Variants in RELN observed in about 807,000 individuals in gnomAD.
RELN encodes reelin.
RELN carries 108 observed loss-of-function variants against 427.6 expected under a neutral mutation model. That is an observed-to-expected ratio of 0.25 (90% confidence interval 0.22 to 0.30). RELN has a LOEUF of 0.30. Ranked by LOEUF, RELN falls within the 10% of genes least tolerant of loss-of-function variation. The pLI, the probability that RELN is intolerant of heterozygous loss-of-function variation, is 1.00. For synonymous variants in RELN, 1,524 were observed against 1,513.4 expected (o/e 1.01, Z -0.16); for missense variants, 3,715 against 4,302.8 (o/e 0.86, Z 3.82).
In RELN at chr7:103,776,571, A is replaced by C. The variant is rs1338525655; in HGVS notation, c.530T>G (p.Leu177Trp). Residue 177 changes from leucine (L) to tryptophan (W), a missense_variant, in exon 4 of 65, where the codon TTG (leucine) becomes TGG (tryptophan). Leu to Trp is a moderately conservative substitution (Grantham distance 61, BLOSUM62 -2). This residue lies in a region of RELN where 2,208 missense variants were observed against 2,361.7 expected (regional missense o/e 0.93). Coordinates refer to ENST00000428762, the MANE Select transcript of RELN (RefSeq NM_005045.4). Reference sequence around the variant, plus strand: ...GTGACGCTTACCTCCTTGTTCACACAACTGCTGGGCTAAAGCATCTTTGAA... The same window carrying C: ...GTGACGCTTACCTCCTTGTTCACACCACTGCTGGGCTAAAGCATCTTTGAA... ...VIFKDALAQQ[L>W]CEQGAPTDVT... 5.6e-6 allele frequency: 9 copies of C among 1,614,108 alleles called. No homozygotes were observed. Among genetic ancestry groups the C allele is most frequent in the Non-Finnish European group, 7.6e-6 (9 of 1,179,962 alleles).
chr7:103,870,051 T>C (rs528549727), intron 2 of RELN, among the ~76,000 whole-genome samples: 3 of 152,234 alleles, frequency 2.0e-5, no homozygotes, highest in East Asian at 1.9e-4. Context: ...ATTCCAGCTT[T>C]TGCACTTTGC....
chr7:103,741,232 T>C (rs1790646168), intron 6 of RELN, among the ~76,000 whole-genome samples: 1 of 152,212 alleles, frequency 6.6e-6, no homozygotes, highest in Admixed American at 6.5e-5. Flanking sequence ...TTCATGGGGA[T>C]ATCTGATTTC....
chr7:103,643,878 A>G (rs1425343428), intron 16 of RELN, among the ~76,000 whole-genome samples: 1 of 152,034 alleles, frequency 6.6e-6, no homozygotes, highest in East Asian at 1.9e-4. Context: ...AGTAGCTGGG[A>G]ATACAGGCAT....
At chr7:103,873,840 T>TCC (rs1481422086) in intron 2 of RELN, among the ~76,000 whole-genome samples, 2 of 118,238 alleles carry the variant, frequency 1.7e-5, no homozygotes, top group African/African-American at 5.8e-5. Context: ...GAGGGAATCC[T>TCC]CCCTAACTCA....
chr7:103,799,421 G>A (rs1325744395), intron 3 of RELN, among the ~76,000 whole-genome samples: 2 of 152,154 alleles, frequency 1.3e-5, no homozygotes, highest in East Asian at 3.9e-4. Context: ...TGTAATTCAT[G>A]TTACTCTCTT....
rs1435209493 is a variant in RELN at position 103,566,669 on chromosome 7, A to G, written c.4679T>C (p.Ile1560Thr). ...CGCGTCCTGTGGCAGGTCAATGGAA[A>G]TGATCTGTGGTTCCAGGAAGGACAT... ...DFMSFLEPQIISIDLPQDAKT... is the reference protein window; with the variant it reads ...DFMSFLEPQITSIDLPQDAKT... The change falls in exon 32 of 65, where the codon ATT becomes ACT. Residue 1560 changes from isoleucine (I) to threonine (T), a missense_variant. Physicochemically the swap from Ile to Thr is moderately conservative, Grantham distance 89. Transcript: ENST00000428762. 3.1e-6 allele frequency: 5 copies of G among 1,614,038 alleles called. No homozygotes were observed. In the African/African-American group the frequency reaches 5.3e-5, roughly 17 times the overall value.
At chr7:103,792,551 G>A (rs1792192393) in intron 3 of RELN, among the ~76,000 whole-genome samples, 1 of 103,340 alleles carries the variant, frequency 9.7e-6, no homozygotes, top group Non-Finnish European at 1.9e-5. Flanking sequence ...ATTAGTAGTG[G>A]TTTCCGGGGG....
intron 6 of RELN, among the ~76,000 whole-genome samples, chr7:103,745,358 G>A (rs1384657557): frequency 6.6e-6 from 1 of 152,008 alleles, no homozygotes; most frequent in Non-Finnish European, 1.5e-5. Flanking sequence ...ACGGGCACAA[G>A]ACAGGGAAGC....
At position 103,542,807 on chromosome 7, in the gene RELN, T is replaced by C; in HGVS notation, c.6595A>G (p.Ser2199Gly). 1 of 1,614,160 alleles carries C rather than the reference T, an allele frequency of 6.2e-7. No homozygotes were observed. The highest frequency in any genetic ancestry group is 1.1e-5 in the South Asian group (1 of 91,084). ...TCATTGAAAAAGAGGTTGTTTCCACTAGAAAGGATTCCACACTTTCGAGAT... is the reference window on the plus strand; with the variant it reads ...TCATTGAAAAAGAGGTTGTTTCCACCAGAAAGGATTCCACACTTTCGAGAT... Reference protein sequence around the residue: ...KPSRKCGILSSGNNLFFNEDG... With the variant: ...KPSRKCGILSGGNNLFFNEDG... The change falls in exon 43 of 65, where the codon AGT (serine) becomes GGT (glycine). Residue 2199 changes from serine to glycine, a missense_variant. By Grantham distance (56) the Ser-to-Gly change is moderately conservative (BLOSUM62 0). Around this residue, in one of 4 missense-constraint regions of RELN, gnomAD observed 1,310 missense variants for 1,643.0 expected, o/e 0.80. Transcript: ENST00000428762.
chr7:103,636,199 T>A, intron 18 of RELN, 36 bp downstream of exon 18: 2 of 1,338,516 alleles, frequency 1.5e-6, no homozygotes. Context: ...CATTAGTATC[T>A]GGTTTTTGTA....
In RELN at chr7:103,883,283, C is replaced by G. The variant is rs192519121; in HGVS notation, c.337+33792G>C. ...AACTGGGTATTGATGGAACATATCT[C>G]AAAATAATAAGAACTATTTATGACA... On this transcript the variant is annotated intron_variant, in intron 2 of 64. Transcript: ENST00000428762. Among the ~76,000 whole-genome samples the G allele has an allele frequency of 7.7e-4, 118 of 152,270 alleles. No individual in the cohort carries two copies. The Middle Eastern group carries it at 0.014, about 18-fold the overall frequency.
At chr7:103,743,606 T>G (rs1790730875) in intron 6 of RELN, among the ~76,000 whole-genome samples, 1 of 152,158 alleles carries the variant, frequency 6.6e-6, no homozygotes, top group African/African-American at 2.4e-5. Context: ...AGGCAGGGGT[T>G]GCAATCGTAG....
chr7:103,473,246 A>G lies in RELN; in HGVS notation c.10287-338T>C, dbSNP rs531263174. 2.6e-5 allele frequency among the ~76,000 whole-genome samples: 4 copies of G among 152,302 alleles called. No homozygotes were observed. The East Asian group carries it at 7.7e-4, about 29-fold the overall frequency. On this transcript the variant is annotated intron_variant, in intron 64 of 64. Coordinates refer to ENST00000428762, the MANE Select transcript of RELN (RefSeq NM_005045.4). ...GCTTCCTGAAAATATTTACTTAGGT[A>G]CCTTTCATTTGAGAAGTGTGCTCTA...
chr7:103,762,567 A>G (rs560758283), intron 4 of RELN, among the ~76,000 whole-genome samples: 2 of 152,336 alleles, frequency 1.3e-5, no homozygotes, highest in South Asian at 4.1e-4. Flanking sequence ...TCTATCTTGA[A>G]TATCTCTGCA....
intron 19 of RELN, among the ~76,000 whole-genome samples, chr7:103,632,196 T>C (rs1298029451): frequency 6.6e-6 from 1 of 152,228 alleles, no homozygotes; most frequent in African/African-American, 2.4e-5. Context: ...TGACTCCTAC[T>C]GGTTAATGAT....
intron 1 of RELN, among the ~76,000 whole-genome samples, chr7:103,963,099 T>C (rs1796593488): frequency 1.3e-5 from 2 of 150,632 alleles, no homozygotes; most frequent in African/African-American, 4.9e-5. Context: ...CAGGCTGCCT[T>C]AGACAGGATT....
chr7:103,879,613 T>A (rs1451360201), intron 2 of RELN, among the ~76,000 whole-genome samples: 1 of 152,164 alleles, frequency 6.6e-6, no homozygotes, highest in African/African-American at 2.4e-5. Flanking sequence ...CTGACAGGTG[T>A]CTCCATTCCA....
intron 10 of RELN, among the ~76,000 whole-genome samples, chr7:103,688,004 AGTC>A (rs1167952942): frequency 6.6e-6 from 1 of 152,122 alleles, no homozygotes; most frequent in Admixed American, 6.6e-5. Context: ...TCAGCCCCAA[AGTC>A]CTCTTATTAG....
At chr7:103,538,400 A>G (rs1233810899) in intron 45 of RELN, among the ~76,000 whole-genome samples, 3 of 152,130 alleles carry the variant, frequency 2.0e-5, no homozygotes, top group Non-Finnish European at 4.4e-5. Flanking sequence ...AGAGAGTCCA[A>G]GTGTGCAATG....
Sources: gnomAD v4.1 joint callset for allele counts (sites outside exome capture counted in the v4.1 genomes callset) on GRCh38, gnomAD v4.1.1 for gene constraint, gnomAD v4.1.1 regional missense constraint, MANE v1.5 for transcripts, NCBI Gene and HGNC (gene_info 2026-07-23, HGNC 2026-07-21) for gene names.